The following SEMA6D variants were observed in gnomAD, a reference collection of about 807,000 sequenced individuals.
SEMA6D encodes the protein semaphorin-6D.
In SEMA6D, 35 loss-of-function variants were observed where a neutral mutation model predicts 106.6. The observed-to-expected ratio is 0.33, with a 90% CI of 0.25 to 0.44. The LOEUF is 0.44. Ranked by LOEUF, SEMA6D falls within the 20% of genes least tolerant of loss-of-function variation. The pLI, the probability that SEMA6D is intolerant of heterozygous loss-of-function variation, is 1.00. For missense variants in SEMA6D, 1,185 were observed against 1,345.9 expected, an observed-to-expected ratio of 0.88 and a Z score of 1.87; for synonymous variants, 499 against 487.7, an observed-to-expected ratio of 1.02 and a Z score of -0.31.
chr15:47,594,130 A>T (rs1488532738), intron 3 of SEMA6D, among the ~76,000 whole-genome samples: 2 of 152,244 alleles, frequency 1.3e-5, no homozygotes, highest in Admixed American at 1.3e-4. Context: ...AGATGCTATC[A>T]AGGCTTAAAC....
At chr15:47,560,400 A>G (rs2046044272) in intron 3 of SEMA6D, among the ~76,000 whole-genome samples, 1 of 152,072 alleles carries the variant, frequency 6.6e-6, no homozygotes, top group South Asian at 2.1e-4. Context: ...AGAGAATTCT[A>G]GAGTTGAAAA....
At chr15:47,353,154 G>A (rs1342769664) in intron 1 of SEMA6D, among the ~76,000 whole-genome samples, 2 of 151,794 alleles carry the variant, frequency 1.3e-5, no homozygotes, top group Non-Finnish European at 2.9e-5. Context: ...ACCTTTATAG[G>A]CTACCCCAAG....
At chr15:47,464,362 C>T (rs1179948127) in intron 2 of SEMA6D, among the ~76,000 whole-genome samples, 1 of 151,988 alleles carries the variant, frequency 6.6e-6, no homozygotes, top group East Asian at 1.9e-4. Flanking sequence ...CCTGCAGCAC[C>T]CCCACCATAG....
chr15:47,462,779 G>A (rs1263442708), intron 2 of SEMA6D, among the ~76,000 whole-genome samples: 3 of 152,110 alleles, frequency 2.0e-5, no homozygotes, highest in Non-Finnish European at 2.9e-5. Flanking sequence ...TTAGGCAAGA[G>A]TGCAGGTAAT....
intron 3 of SEMA6D, among the ~76,000 whole-genome samples, chr15:47,549,449 G>A (rs2045617694): frequency 6.6e-6 from 1 of 152,144 alleles, no homozygotes; most frequent in Non-Finnish European, 1.5e-5. Flanking sequence ...TATTTCCTGT[G>A]AAACTGCTCT....
At chr15:47,342,142 G>A (rs550646177) in intron 1 of SEMA6D, among the ~76,000 whole-genome samples, 1 of 152,082 alleles carries the variant, frequency 6.6e-6, no homozygotes, top group South Asian at 2.1e-4. Context: ...AATATAAACA[G>A]TACAAGGAAA....
At chr15:47,438,459 G>C (rs866111274) in intron 2 of SEMA6D, among the ~76,000 whole-genome samples, 1 of 152,122 alleles carries the variant, frequency 6.6e-6, no homozygotes, top group African/African-American at 2.4e-5. Flanking sequence ...CAACATCCGT[G>C]TAACAGCCCA....
chr15:47,670,773 G>A (rs2078121263), intron 4 of SEMA6D, among the ~76,000 whole-genome samples: 1 of 152,166 alleles, frequency 6.6e-6, no homozygotes, highest in South Asian at 2.1e-4. Flanking sequence ...CCCAAGTCCA[G>A]TGGGAATTTT....
intron 4 of SEMA6D, among the ~76,000 whole-genome samples, chr15:47,608,592 A>G (rs1011822781): frequency 2.0e-5 from 3 of 152,188 alleles, no homozygotes; most frequent in African/African-American, 7.2e-5. Flanking sequence ...TCAAGAACTC[A>G]TAAGCATCAA....
chr15:47,363,298 A>G (rs756286062), intron 1 of SEMA6D, among the ~76,000 whole-genome samples: 4 of 152,208 alleles, frequency 2.6e-5, no homozygotes, highest in Non-Finnish European at 5.9e-5. Flanking sequence ...TGTTAAGAAC[A>G]CAATCCTAAA....
At chr15:47,250,063 T>TAGAG (rs1346486207) in intron 1 of SEMA6D, among the ~76,000 whole-genome samples, 1 of 152,220 alleles carries the variant, frequency 6.6e-6, no homozygotes, top group East Asian at 1.9e-4. Context: ...GATCCTGTTC[T>TAGAG]AGAGGAGCTT....
At chr15:47,444,038 T>C (rs1209375397) in intron 2 of SEMA6D, among the ~76,000 whole-genome samples, 1 of 152,148 alleles carries the variant, frequency 6.6e-6, no homozygotes, top group East Asian at 1.9e-4. Flanking sequence ...ATCACCTACC[T>C]TTAGAGTAAG....
At chr15:47,503,491 T>C (rs2043926914) in intron 3 of SEMA6D, among the ~76,000 whole-genome samples, 1 of 152,190 alleles carries the variant, frequency 6.6e-6, no homozygotes, top group African/African-American at 2.4e-5. Context: ...CGCAGTTCCA[T>C]AGCTGTAAAA....
intron 1 of SEMA6D, among the ~76,000 whole-genome samples, chr15:47,407,387 ACC>A (rs1192516748): frequency 5.8e-4 from 79 of 135,152 alleles, no homozygotes; most frequent in African/African-American, 1.7e-3. Context: ...AAAAAAAAAA[ACC>A]AAAACAACAA....
intron 1 of SEMA6D, among the ~76,000 whole-genome samples, chr15:47,227,371 T>G (rs2031754485): frequency 6.6e-6 from 1 of 150,398 alleles, no homozygotes. Flanking sequence ...GTCTCTTCCT[T>G]TTTCCTTCCT....
At chr15:47,227,479 T>C (rs2031795006) in intron 1 of SEMA6D, among the ~76,000 whole-genome samples, 1 of 120,536 alleles carries the variant, frequency 8.3e-6, no homozygotes, top group Admixed American at 8.4e-5. Flanking sequence ...TCTTTCTCTT[T>C]CTTTTTCTTT....
intron 3 of SEMA6D, among the ~76,000 whole-genome samples, chr15:47,583,920 GTCTTTA>G (rs1461665216): frequency 1.3e-5 from 2 of 152,176 alleles, no homozygotes; most frequent in Non-Finnish European, 2.9e-5. Context: ...TAGACTGGAT[GTCTTTA>G]GGACACAATG....
chr15:47,278,448 T>C (rs985874862), intron 1 of SEMA6D, among the ~76,000 whole-genome samples: 1 of 152,202 alleles, frequency 6.6e-6, no homozygotes, highest in Non-Finnish European at 1.5e-5. Context: ...TTGCCCACTT[T>C]TTGATGGGGT....
chr15:47,344,376 T>C (rs962210838), intron 1 of SEMA6D, among the ~76,000 whole-genome samples: 2 of 152,098 alleles, frequency 1.3e-5, no homozygotes, highest in African/African-American at 4.8e-5. Context: ...GGATAAAATA[T>C]ATGTAATAAT....
Sources: gnomAD v4.1 joint callset for allele counts (sites outside exome capture counted in the v4.1 genomes callset) on GRCh38, gnomAD v4.1.1 for gene constraint, MANE v1.5 for transcripts, NCBI Gene and HGNC (gene_info 2026-07-23, HGNC 2026-07-21) for gene names.